Variants in SIRT3 observed in about 807,000 individuals in gnomAD.
SIRT3 encodes NAD-dependent protein deacetylase sirtuin-3, mitochondrial.
Under a neutral mutation model 33.5 loss-of-function variants are expected in SIRT3, and 26 were observed. The ratio of observed to expected loss-of-function variants is 0.78; its 90% CI spans 0.57 to 1.08. SIRT3 has a LOEUF of 1.08. SIRT3 is among the 50% of genes least tolerant of loss of function. The pLI is 0.00. For missense variants in SIRT3, 585 were observed against 530.1 expected (o/e 1.10, Z -1.02); for synonymous variants, 237 against 222.1 (o/e 1.07, Z -0.60).
In SIRT3 at chr11:233,517, C is replaced by A; in HGVS notation, c.299G>T (p.Arg100Met). Residue 100 changes from arginine to methionine, a missense_variant, in exon 2 of 7, where the codon AGG (arginine) becomes ATG (methionine). Coordinates refer to ENST00000382743, the MANE Select transcript of SIRT3 (RefSeq NM_012239.6). ...FFFSSIKGGR[R>M]SISFSVGASS... ...AGCACCCACAGAAAAAGATATGGAC[C>A]TTCTTCCACCTTTAATACTGACAGA... 5.0e-6 allele frequency: 8 copies of A among 1,614,100 alleles called. No homozygotes were observed. Among genetic ancestry groups the A allele is most frequent in the Non-Finnish European group, 6.8e-6 (8 of 1,180,010 alleles).
At chr11:220,214 G>A (rs1415819696) in intron 5 of SIRT3, among the ~76,000 whole-genome samples, 1 of 151,146 alleles carries the variant, frequency 6.6e-6, no homozygotes, top group Non-Finnish European at 1.5e-5. Context: ...CCTATAATCC[G>A]AGCTACTCGG....
chr11:218,605 T>C (rs1028360258), intron 6 of SIRT3, among the ~76,000 whole-genome samples: 2 of 152,202 alleles, frequency 1.3e-5, no homozygotes, highest in African/African-American at 4.8e-5. Flanking sequence ...GCCCTGAGTG[T>C]CTGGACCGTG....
intron 3 of SIRT3, among the ~76,000 whole-genome samples, chr11:230,864 C>A (rs769227855): frequency 2.2e-4 from 34 of 152,268 alleles, no homozygotes; most frequent in African/African-American, 2.4e-5. Context: ...TGGCCCACAC[C>A]TGTAATCCCA....
At chr11:236,408 C>A (rs1261405526), upstream of SIRT3, 3 of 999,822 alleles carry the variant, frequency 3.0e-6, no homozygotes, top group Non-Finnish European at 3.7e-6. Context: ...CACCCCCGCC[C>A]CCGGCGCCCC....
intron 5 of SIRT3, 131 bp from the exon 6 acceptor site, chr11:219,172 C>A: frequency 8.6e-7 from 1 of 1,164,924 alleles, no homozygotes; most frequent in East Asian, 2.6e-5. Context: ...TAGGGAAAAC[C>A]CACCACCAAT....
intron 3 of SIRT3, among the ~76,000 whole-genome samples, chr11:232,350 C>T (rs1431440665): frequency 6.6e-6 from 1 of 152,076 alleles, no homozygotes; most frequent in African/African-American, 2.4e-5. Flanking sequence ...AACTCCCGAC[C>T]TCAGGTGATC....
chr11:218,901 C>T lies in SIRT3; in HGVS notation c.1110G>A (p.Val370=), dbSNP rs565415803. Residue 370 remains valine (V), a synonymous_variant, in exon 6 of 7, where the codon GTG becomes GTA. Transcript: ENST00000382743. Reference sequence around the variant, plus strand: ...AGCCCAGAAGCTCCACTAGGCTTTCCACGCCGTGAACCACGTCCCCCAGCT... The same window carrying T: ...AGCCCAGAAGCTCCACTAGGCTTTCTACGCCGTGAACCACGTCCCCCAGCT... ...VAQLGDVVHG[V]ESLVELLGWT... 12 of 1,614,132 alleles carry T rather than the reference C, an allele frequency of 7.4e-6. No homozygotes were observed. Among genetic ancestry groups the T allele is most frequent in the Middle Eastern group, 1.6e-4 (1 of 6,062 alleles).
At position 216,717 on chromosome 11, in the gene SIRT3, A is replaced by T. The variant is rs1410632412; in HGVS notation, c.1181T>A (p.Leu394His). ...ATCATCCTATTTGTCTGGTCCATCAAGCTGGAATACAGAAGACAGAGGGTA... is the reference window on the plus strand; with the variant it reads ...ATCATCCTATTTGTCTGGTCCATCATGCTGGAATACAGAAGACAGAGGGTA... Reference protein sequence around the residue: ...RDLVQRETGKLDGPDK With the variant: ...RDLVQRETGKHDGPDK The change falls in exon 7 of 7, where the codon CTT (leucine) becomes CAT (histidine). Residue 394 changes from leucine to histidine, a missense_variant and splice_region_variant. By Grantham distance (99) the Leu-to-His change is moderately conservative (BLOSUM62 -3). Coordinates refer to ENST00000382743, the MANE Select transcript of SIRT3 (RefSeq NM_012239.6). 3 of 1,614,008 alleles carry T rather than the reference A, an allele frequency of 1.9e-6. No homozygotes were observed. Among genetic ancestry groups the T allele is most frequent in the South Asian group, 1.1e-5 (1 of 91,054 alleles).
Position 224,212 on chromosome 11 carries a change from G to C in SIRT3, c.835C>G (p.Arg279Gly), listed in dbSNP as rs199552510. ...RADVMADRVP[R>G]CPVCTGVVKP... ...ACAACGCCGGTGCAGACCGGGCAGC[G>C]GGGAACCCTGTCTGCCATCACGTCA... Residue 279 changes from arginine to glycine, a missense_variant, in exon 5 of 7, where the codon CGC becomes GGC. Coordinates refer to ENST00000382743, the MANE Select transcript of SIRT3 (RefSeq NM_012239.6). The C allele has an allele frequency of 5.9e-5, 95 of 1,614,142 alleles. No individual in the cohort carries two copies. The South Asian group carries it at 9.7e-4, about 16-fold the overall frequency.
At chr11:224,315 T>G (rs1198530218) in intron 4 of SIRT3, 76 bp from the exon 5 acceptor site, 2 of 1,469,206 alleles carry the variant, frequency 1.4e-6, no homozygotes, top group Non-Finnish European at 1.8e-6. Context: ...AAGTTCTTAT[T>G]AAAGTCTCAA....
chr11:230,586 G>T, intron 3 of SIRT3, 34 bp from the exon 4 acceptor site: 3 of 1,429,560 alleles, frequency 2.1e-6, no homozygotes, highest in South Asian at 1.5e-5. Context: ...TGTTGCTGCC[G>T]CCTCCGAGAT....
At position 236,130 on chromosome 11, in the gene SIRT3, A is replaced by T. The variant is rs971883909; in HGVS notation, c.199T>A (p.Leu67Met). ...ACCTCGGGTCTGGGAGGCCTCTGCA[A>T]GGGGCGCGCCGGGTCCAAGGGCTCA... ...RGEPLDPARP[L>M]QRPPRPEVPR... The change falls in exon 1 of 7, where the codon TTG (leucine) becomes ATG (methionine). Residue 67 changes from leucine (L) to methionine (M), a missense_variant. Physicochemically the swap from Leu to Met is conservative, Grantham distance 15. Transcript: ENST00000382743. 11 of 1,577,308 alleles carry T rather than the reference A, an allele frequency of 7.0e-6. No individual in the cohort carries two copies. In the Admixed American group the frequency reaches 1.6e-4, roughly 23 times the overall value.
upstream of SIRT3, chr11:236,356 G>A (rs746607717): frequency 1.7e-6 from 2 of 1,179,824 alleles, no homozygotes; most frequent in East Asian, 3.5e-5. Flanking sequence ...GAGTCCTCCG[G>A]ACTCGCCCCG....
chr11:232,174 G>A (rs537665754), intron 3 of SIRT3, among the ~76,000 whole-genome samples: 1 of 152,138 alleles, frequency 6.6e-6, no homozygotes, highest in South Asian at 2.1e-4. Flanking sequence ...CTGGAGTGAA[G>A]TGGCACGATC....
intron 1 of SIRT3, among the ~76,000 whole-genome samples, chr11:234,819 A>G (rs1858708830): frequency 1.3e-5 from 2 of 152,226 alleles, no homozygotes; most frequent in South Asian, 4.2e-4. Flanking sequence ...CCTAGAACAG[A>G]GTCTGGCACA....
intron 1 of SIRT3, 63 bp from the exon 2 acceptor site, chr11:233,597 C>G (rs549162921): frequency 1.8e-4 from 276 of 1,545,020 alleles, no homozygotes; most frequent in Non-Finnish European, 2.3e-4. Flanking sequence ...ATAGCAAGAA[C>G]GAGCATGGCT....
Position 236,245 on chromosome 11 carries a change from C to G in SIRT3, c.84G>C (p.Val28=), listed in dbSNP as rs749622471. The G allele has an allele frequency of 1.3e-6, 2 of 1,551,192 alleles. No homozygotes were observed. The change falls in exon 1 of 7, where the codon GTG becomes GTC. Residue 28 remains valine, a synonymous_variant. Coordinates refer to ENST00000382743, the MANE Select transcript of SIRT3 (RefSeq NM_012239.6). The part of the protein sequence containing the change: ...VVERVEAGGG[V]GPFQACGCRL... ...GACAGCCGCAGGCCTGAAACGGCCC[C>G]ACGCCTCCCCCGGCCTCGACCCGTT...
chr11:231,045 A>G (rs972071077), intron 3 of SIRT3, among the ~76,000 whole-genome samples: 1 of 151,836 alleles, frequency 6.6e-6, no homozygotes, highest in Non-Finnish European at 1.5e-5. Context: ...GAATCGCTTG[A>G]ACCCGGGAGG....
At chr11:225,607 T>G (rs1035127261) in intron 4 of SIRT3, 11 of 149,198 alleles carry the variant, frequency 7.4e-5, no homozygotes, top group African/African-American at 2.7e-4. Flanking sequence ...AAAGAAACAC[T>G]CAATGGAAGG....
Sources: gnomAD v4.1 joint callset for allele counts (sites outside exome capture counted in the v4.1 genomes callset) on GRCh38, gnomAD v4.1.1 for gene constraint, MANE v1.5 for transcripts, NCBI Gene and HGNC (gene_info 2026-07-23, HGNC 2026-07-21) for gene names.